The following SELPLG variants were observed in gnomAD, a reference collection of about 807,000 sequenced individuals.
SELPLG encodes the protein selectin P ligand.
In SELPLG, 2 loss-of-function variants were observed where a neutral mutation model predicts 1.1. The observed-to-expected ratio is 1.82, with a 90% CI of 0.74 to 5.71. The LOEUF (loss-of-function observed/expected upper bound fraction) is 5.71. Among genes scored for constraint, SELPLG ranks in the 30% most tolerant of loss-of-function variants. The pLI, the probability that SELPLG is intolerant of heterozygous loss-of-function variation, is 0.05. For missense variants in SELPLG, 478 were observed against 524.7 expected (o/e 0.91, Z 0.87); for synonymous variants, 230 against 221.2 (o/e 1.04, Z -0.35).
At chr12:108,627,730 G>C (rs1401296030) in intron 1 of SELPLG, among the ~76,000 whole-genome samples, 1 of 152,224 alleles carries the variant, frequency 6.6e-6, no homozygotes, top group East Asian at 1.9e-4. Flanking sequence ...TTGAGCCCAT[G>C]AGTTCAAGAC....
intron 1 of SELPLG, among the ~76,000 whole-genome samples, chr12:108,631,669 A>AC (rs1201242595): frequency 6.6e-6 from 1 of 151,024 alleles, no homozygotes; most frequent in African/African-American, 2.4e-5. Context: ...CCTCCACCCC[A>AC]CCAAGAACCA....
At position 108,627,299 on chromosome 12, in the gene SELPLG, C is replaced by T. The variant is rs192641653; in HGVS notation, c.-5-2987G>A. Among the ~76,000 whole-genome samples the T allele has an allele frequency of 3.3e-3, 505 of 152,084 alleles. 7 individuals carry two copies. Among genetic ancestry groups the T allele is most frequent in the South Asian group, 0.011 (51 of 4,814 alleles). Reference sequence around the variant, plus strand: ...AGTGAGGTTCAGGAAGGCATGAGGCCGTCAGGAGACACCTGACCTAGTTGA... The same window carrying T: ...AGTGAGGTTCAGGAAGGCATGAGGCTGTCAGGAGACACCTGACCTAGTTGA... On this transcript the variant is annotated intron_variant, in intron 1 of 1. Transcript: ENST00000550948.
At chr12:108,631,258 G>C (rs938832064) in intron 1 of SELPLG, among the ~76,000 whole-genome samples, 3 of 152,198 alleles carry the variant, frequency 2.0e-5, no homozygotes, top group African/African-American at 7.2e-5. Context: ...CTTATGAAAG[G>C]TTTATTTATT....
In SELPLG at chr12:108,623,753, T is replaced by C. The variant is rs1272661524; in HGVS notation, c.555A>G (p.Gln185=). 3.7e-6 allele frequency: 6 copies of C among 1,612,314 alleles called. No homozygotes were observed. Among genetic ancestry groups the C allele is most frequent in the Non-Finnish European group, 5.1e-6 (6 of 1,179,540 alleles). ...PPAATEAQTT[Q]PTGLEAQTTA... The stretch of plus-strand genomic sequence containing the variant: ...TGGTCTGTGCCTCCAGGCCTGTGGG[T>C]TGAGTGGTCTGTGCTTCCGTGGCTG... The change falls in exon 2 of 2, where the codon CAA becomes CAG. Residue 185 remains glutamine, a synonymous_variant. Transcript: ENST00000550948.
intron 1 of SELPLG, among the ~76,000 whole-genome samples, chr12:108,633,343 G>C (rs1480519562): frequency 6.6e-6 from 1 of 152,074 alleles, no homozygotes; most frequent in African/African-American, 2.4e-5. Context: ...TCTAGGAAAG[G>C]TAAAAATATT....
Position 108,624,171 on chromosome 12 carries a change from T to C in SELPLG, c.137A>G (p.Tyr46Cys). The C allele has an allele frequency of 6.2e-7, 1 of 1,614,188 alleles. No individual in the cohort carries two copies. The highest frequency in any genetic ancestry group is 8.5e-7 in the Non-Finnish European group (1 of 1,180,032). Residue 46 changes from tyrosine to cysteine, a missense_variant, in exon 2 of 2, where the codon TAT becomes TGT. Coordinates refer to ENST00000550948, the MANE Select transcript of SELPLG (RefSeq NM_003006.4). ...CAGGAAATCATAATCTAGGTACTCA[T>C]ATTCGGTGGCCTGTCTCCGGTCCCG... ...LARDRRQATE[Y>C]EYLDYDFLPE...
chr12:108,627,746 C>T (rs1412390578), intron 1 of SELPLG, among the ~76,000 whole-genome samples: 4 of 151,930 alleles, frequency 2.6e-5, no homozygotes, highest in Admixed American at 6.6e-5. Context: ...AAGACCAGCC[C>T]GGGCAACATA....
chr12:108,623,220 A>G lies in SELPLG; in HGVS notation c.1088T>C (p.Val363Ala). ...ATCAGGCAACAGGGATGAGATGCAG[A>G]CCATCTCGGTGGGGGAGTAATTACG... is the stretch of plus-strand genomic sequence containing the variant. ...PVRNYSPTEMVCISSLLPDGG... is the reference protein window; with the variant it reads ...PVRNYSPTEMACISSLLPDGG... Residue 363 changes from valine (V) to alanine (A), a missense_variant, in exon 2 of 2, where the codon GTC becomes GCC. By Grantham distance (64) the Val-to-Ala change is moderately conservative. Transcript: ENST00000550948. 4 of 1,613,584 alleles carry G rather than the reference A, an allele frequency of 2.5e-6. No individual in the cohort carries two copies. The highest frequency in any genetic ancestry group is 2.5e-6 in the Non-Finnish European group (3 of 1,179,878).
intron 1 of SELPLG, among the ~76,000 whole-genome samples, chr12:108,628,002 C>T (rs1182505341): frequency 2.0e-5 from 3 of 152,042 alleles, no homozygotes; most frequent in Non-Finnish European, 1.5e-5. Context: ...ATTGCTTGAG[C>T]CTGGAGAGAT....
At chr12:108,629,829 G>T (rs1226687847) in intron 1 of SELPLG, among the ~76,000 whole-genome samples, 1 of 152,174 alleles carries the variant, frequency 6.6e-6, no homozygotes, top group Non-Finnish European at 1.5e-5. Flanking sequence ...GTGTATGGCA[G>T]GTAGCATAAT....
At chr12:108,624,743 A>G (rs1003492524) in intron 1 of SELPLG, among the ~76,000 whole-genome samples, 4 of 143,532 alleles carry the variant, frequency 2.8e-5, no homozygotes, top group East Asian at 4.2e-4. Context: ...AGGCTGGAGT[A>G]CAGTGGCGCT....
chr12:108,623,012 G>A lies in SELPLG; in HGVS notation c.*57C>T. On this transcript the variant is annotated 3_prime_UTR_variant, in exon 2 of 2. Coordinates refer to ENST00000550948, the MANE Select transcript of SELPLG (RefSeq NM_003006.4). ...GTGGAATGGGGTCTGGGCACTCAGG[G>A]GTGGCCCAGGAGAGCCCGTGGAGGT... 3 of 1,439,650 alleles carry A rather than the reference G, an allele frequency of 2.1e-6. No homozygotes were observed. Among genetic ancestry groups the A allele is most frequent in the African/African-American group, 1.4e-5 (1 of 69,680 alleles). 89.2% of individuals were successfully genotyped at this position (1,439,650 alleles called of 1,614,324 possible). A position where few individuals can be genotyped will look rare whatever the true frequency, so the allele number is the denominator to read the frequency against.
intron 1 of SELPLG, among the ~76,000 whole-genome samples, chr12:108,630,229 C>G (rs915060461): frequency 6.6e-6 from 1 of 152,218 alleles, no homozygotes; most frequent in South Asian, 2.1e-4. Context: ...CTGGCCCAGG[C>G]CCCATCTAGA....
chr12:108,632,390 GT>G (rs879917678), intron 1 of SELPLG, among the ~76,000 whole-genome samples: 2,278 of 9,708 alleles, frequency 0.23, 57 homozygotes, highest in Middle Eastern at 0.5. Flanking sequence ...ACAATATGGG[GT>G]GTGTGTGTGT....
chr12:108,632,386 T>TG (rs1354301986), intron 1 of SELPLG, among the ~76,000 whole-genome samples: 19 of 104,886 alleles, frequency 1.8e-4, no homozygotes, highest in African/African-American at 7.4e-4. Context: ...ATCGACAATA[T>TG]GGGGTGTGTG....
intron 1 of SELPLG, 53 bp downstream of exon 1, chr12:108,633,687 T>C (rs1349825129): frequency 6.6e-6 from 1 of 152,274 alleles, no homozygotes; most frequent in East Asian, 1.9e-4. Context: ...GGCAGGCCCT[T>C]GGCCCATGGG....
chr12:108,625,400 T>C (rs994563635), intron 1 of SELPLG, among the ~76,000 whole-genome samples: 19 of 151,806 alleles, frequency 1.3e-4, no homozygotes, highest in African/African-American at 4.4e-4. Flanking sequence ...TCACAGCCTA[T>C]TGTGAGGATA....
intron 1 of SELPLG, among the ~76,000 whole-genome samples, chr12:108,625,529 C>T (rs1221066283): frequency 6.6e-6 from 1 of 152,200 alleles, no homozygotes; most frequent in South Asian, 2.1e-4. Flanking sequence ...GGGCCCAGGG[C>T]TACTTAATTA....
chr12:108,626,864 A>G (rs1360090914), intron 1 of SELPLG, among the ~76,000 whole-genome samples: 1 of 152,144 alleles, frequency 6.6e-6, no homozygotes, highest in Non-Finnish European at 1.5e-5. Flanking sequence ...CAACTGTTTG[A>G]GAAGCCAAGG....
Sources: allele counts gnomAD v4.1 joint callset (sites outside exome capture counted in the v4.1 genomes callset), GRCh38; gene constraint gnomAD v4.1.1; transcripts MANE v1.5; gene names NCBI Gene and HGNC (gene_info 2026-07-23, HGNC 2026-07-21).